SLC8A1: variants seen among roughly 807,000 people sequenced by gnomAD.
SLC8A1 encodes the protein solute carrier family 8 member A1.
In SLC8A1, 18 loss-of-function variants were observed where a neutral mutation model predicts 68.3. The observed-to-expected ratio is 0.26, with a 90% CI of 0.18 to 0.39. The LOEUF (loss-of-function observed/expected upper bound fraction) is 0.39. Ranked by LOEUF, SLC8A1 falls within the 10% of genes least tolerant of loss-of-function variation. The probability of loss-of-function intolerance (pLI) is 1.00; values close to 1 mark genes in which losing one functional copy is unlikely to be tolerated. For missense variants in SLC8A1, 985 were observed against 1,156.7 expected (o/e 0.85, Z 2.15); for synonymous variants, 475 against 415.5 (o/e 1.14, Z -1.74).
intron 2 of SLC8A1, among the ~76,000 whole-genome samples, chr2:40,190,124 T>C (rs2051489544): frequency 6.6e-6 from 1 of 152,224 alleles, no homozygotes; most frequent in African/African-American, 2.4e-5. Flanking sequence ...CAAAAAATTC[T>C]TCATGCTAAA....
At chr2:40,314,347 C>A (rs1304176371) in intron 2 of SLC8A1, among the ~76,000 whole-genome samples, 6 of 151,520 alleles carry the variant, frequency 4.0e-5, no homozygotes, top group Non-Finnish European at 8.8e-5. Flanking sequence ...TAGTTTATTC[C>A]ATTCTAATCA....
At chr2:40,277,802 A>G (rs905791901) in intron 2 of SLC8A1, among the ~76,000 whole-genome samples, 19 of 74,704 alleles carry the variant, frequency 2.5e-4, no homozygotes, top group African/African-American at 1.1e-3. Flanking sequence ...GTGTATATAT[A>G]TATATATATA....
chr2:40,422,452 C>CT (rs1695784783), intron 2 of SLC8A1, among the ~76,000 whole-genome samples: 1 of 152,114 alleles, frequency 6.6e-6, no homozygotes, highest in Non-Finnish European at 1.5e-5. Flanking sequence ...GTCTTAGACC[C>CT]TCAAGGTTGC....
intron 1 of SLC8A1, among the ~76,000 whole-genome samples, chr2:40,499,261 C>A (rs954375462): frequency 6.6e-6 from 1 of 152,072 alleles, no homozygotes; most frequent in East Asian, 1.9e-4. Context: ...TAGAGTCAGA[C>A]TTTTCTAGCT....
chr2:40,466,425 T>A (rs1576621921), intron 1 of SLC8A1, among the ~76,000 whole-genome samples: 1 of 152,142 alleles, frequency 6.6e-6, no homozygotes, highest in South Asian at 2.1e-4. Flanking sequence ...AAACATGTCT[T>A]AAAGGTCCTC....
At chr2:40,436,039 G>C (rs1699348415) in intron 1 of SLC8A1, among the ~76,000 whole-genome samples, 1 of 151,394 alleles carries the variant, frequency 6.6e-6, no homozygotes. Flanking sequence ...CTAAGTGCTG[G>C]GATTACAGGC....
chr2:40,175,875 A>C, intron 3 of SLC8A1: 1 of 356,030 alleles, frequency 2.8e-6, no homozygotes, highest in Non-Finnish European at 5.6e-6. Context: ...TATTTTGTCC[A>C]CCAAGAATTG....
At chr2:40,418,658 T>C (rs1390506155) in intron 2 of SLC8A1, among the ~76,000 whole-genome samples, 1 of 152,192 alleles carries the variant, frequency 6.6e-6, no homozygotes, top group Non-Finnish European at 1.5e-5. Context: ...CCCCTAGTAA[T>C]GCACAGCATT....
chr2:40,222,636 T>A (rs550562909), intron 2 of SLC8A1, among the ~76,000 whole-genome samples: 1 of 152,254 alleles, frequency 6.6e-6, no homozygotes, highest in South Asian at 2.1e-4. Flanking sequence ...GACAAAGGGC[T>A]AATATCCAGA....
intron 2 of SLC8A1, among the ~76,000 whole-genome samples, chr2:40,378,197 A>T (rs1031669821): frequency 6.6e-6 from 1 of 152,142 alleles, no homozygotes; most frequent in Non-Finnish European, 1.5e-5. Context: ...TTTCATATTG[A>T]TAAGTGCTCA....
intron 1 of SLC8A1, among the ~76,000 whole-genome samples, chr2:40,511,460 A>C (rs1174752506): frequency 6.6e-6 from 1 of 152,196 alleles, no homozygotes; most frequent in Non-Finnish European, 1.5e-5. Flanking sequence ...TTCAAAATGC[A>C]ATTGATATGA....
intron 1 of SLC8A1, among the ~76,000 whole-genome samples, chr2:40,458,700 G>T (rs568276263): frequency 2.6e-5 from 4 of 152,034 alleles, no homozygotes; most frequent in Non-Finnish European, 5.9e-5. Context: ...CCGAGCCTCA[G>T]GCTTGAGTTT....
At chr2:40,280,760 C>T (rs947906603) in intron 2 of SLC8A1, among the ~76,000 whole-genome samples, 2 of 152,110 alleles carry the variant, frequency 1.3e-5, no homozygotes, top group Non-Finnish European at 2.9e-5. Flanking sequence ...TCAAGAAAGG[C>T]TCCTAAGAAG....
chr2:40,462,469 C>G (rs1253422757), intron 1 of SLC8A1, among the ~76,000 whole-genome samples: 1 of 150,330 alleles, frequency 6.7e-6, no homozygotes, highest in African/African-American at 2.5e-5. Context: ...AGTTGGGAAT[C>G]TTTTCTTTTT....
intron 2 of SLC8A1, among the ~76,000 whole-genome samples, chr2:40,244,284 C>T (rs750115935): frequency 2.0e-5 from 3 of 152,108 alleles, no homozygotes; most frequent in Non-Finnish European, 2.9e-5. Context: ...CACAGGCTAA[C>T]AGCCATCATT....
At chr2:40,405,322 A>G (rs554277314) in intron 2 of SLC8A1, among the ~76,000 whole-genome samples, 1 of 152,368 alleles carries the variant, frequency 6.6e-6, no homozygotes, top group South Asian at 2.1e-4. Context: ...TTTCTGCAAG[A>G]AAAATTTAAA....
intron 2 of SLC8A1, among the ~76,000 whole-genome samples, chr2:40,395,678 G>A (rs1005820795): frequency 6.6e-6 from 1 of 152,130 alleles, no homozygotes; most frequent in Non-Finnish European, 1.5e-5. Flanking sequence ...TGGAACTGCA[G>A]GATTTCTGAT....
chr2:40,267,414 G>A (rs565121373), intron 2 of SLC8A1, among the ~76,000 whole-genome samples: 1 of 152,258 alleles, frequency 6.6e-6, no homozygotes, highest in Admixed American at 6.5e-5. Context: ...TTCCTGTCAT[G>A]CCACCATTCT....
intron 2 of SLC8A1, among the ~76,000 whole-genome samples, chr2:40,399,172 G>A (rs2149643168): frequency 6.6e-6 from 1 of 152,210 alleles, no homozygotes; most frequent in East Asian, 1.9e-4. Flanking sequence ...GAACAGAACT[G>A]CAGAAATGTT....
Sources: allele counts gnomAD v4.1 joint callset (sites outside exome capture counted in the v4.1 genomes callset), GRCh38; gene constraint gnomAD v4.1.1; transcripts MANE v1.5; gene names NCBI Gene and HGNC (gene_info 2026-07-23, HGNC 2026-07-21).